FYB1: variants seen among roughly 807,000 people sequenced by gnomAD.
FYB1 encodes FYN-binding protein 1.
FYB1 carries 41 observed loss-of-function variants against 94.1 expected under a neutral mutation model. That is an observed-to-expected ratio of 0.44 (90% CI 0.34 to 0.57). The LOEUF is 0.57. FYB1 is among the 20% of genes least tolerant of loss of function. FYB1 has a pLI of 0.02. For synonymous variants in FYB1, 367 were observed against 353.2 expected (o/e 1.04, Z -0.44); for missense variants, 1,050 against 976.8 (o/e 1.07, Z -1.00).
At position 39,202,450 on chromosome 5, in the gene FYB1, G is replaced by C; in HGVS notation, c.511C>G (p.Pro171Ala). The change falls in exon 2 of 19, where the codon CCC (proline) becomes GCC (alanine). Residue 171 changes from proline (P) to alanine (A), a missense_variant. Transcript: ENST00000512982. The stretch of plus-strand genomic sequence containing the variant: ...TTCCCTTTAACCCCAGTCAATTTGG[G>C]AAACGCTTGCTTCTGTTCATTTTCT... ...TSENEQKQAF[P>A]KLTGVKGKFM... The C allele has an allele frequency of 1.2e-6, 2 of 1,613,952 alleles. No individual in the cohort carries two copies. The highest frequency in any genetic ancestry group is 1.7e-6 in the Non-Finnish European group (2 of 1,179,882).
chr5:39,169,638 A>C, intron 2 of FYB1: 1 of 444,832 alleles, frequency 2.2e-6, no homozygotes, highest in South Asian at 1.8e-5. Flanking sequence ...TGAGGTCAGG[A>C]GTTCGAGACC....
In FYB1 at chr5:39,213,313, A is replaced by C. The variant is rs696747; in HGVS notation, c.-28+6130T>G. On this transcript the variant is annotated intron_variant, in intron 1 of 18. Transcript: ENST00000512982. ...TCACCCTATATGCCATAGGAACCAG[A>C]GTTTTCATTGTCTTTGTCATATAGT... 9.1e-4 allele frequency among the ~76,000 whole-genome samples: 138 copies of C among 152,084 alleles called. No individual in the cohort carries two copies. In the Middle Eastern group the frequency reaches 0.014, roughly 15 times the overall value.
At chr5:39,169,364 A>G (rs1455922684) in intron 2 of FYB1, 1 of 724,516 alleles carries the variant, frequency 1.4e-6, no homozygotes, top group East Asian at 2.7e-5. Context: ...TAAACCGGTC[A>G]ATTGAACTAG....
chr5:39,173,976 G>A (rs1484026819), intron 2 of FYB1, among the ~76,000 whole-genome samples: 1 of 152,012 alleles, frequency 6.6e-6, no homozygotes, highest in African/African-American at 2.4e-5. Flanking sequence ...CTAATTCTGT[G>A]AAAAATGACA....
intron 2 of FYB1, among the ~76,000 whole-genome samples, chr5:39,160,069 G>A (rs1744111776): frequency 1.3e-5 from 2 of 152,142 alleles, no homozygotes; most frequent in Admixed American, 6.5e-5. Context: ...ATGGCCTCAT[G>A]GAGAAGTAAA....
chr5:39,202,546 G>T lies in FYB1; in HGVS notation c.415C>A (p.Leu139Ile). The T allele has an allele frequency of 6.2e-7, 1 of 1,614,010 alleles. No homozygotes were observed. The highest frequency in any genetic ancestry group is 8.5e-7 in the Non-Finnish European group (1 of 1,179,892). ...TCATGGTCTTGGTTTACACTGTGAA[G>T]AGATGGCTTGTTTCCAGGAGGCCAG... ...FPWPPGNKPS[L>I]HSVNQDHDLK... is the part of the protein sequence containing the mutation. Residue 139 changes from leucine to isoleucine, a missense_variant, in exon 2 of 19, where the codon CTT becomes ATT. Leu to Ile is a conservative substitution (Grantham distance 5). Transcript: ENST00000512982.
At chr5:39,204,871 A>G (rs1261333391) in intron 1 of FYB1, among the ~76,000 whole-genome samples, 1 of 152,164 alleles carries the variant, frequency 6.6e-6, no homozygotes, top group South Asian at 2.1e-4. Flanking sequence ...TACCTCCCTT[A>G]TCTGAGTTGT....
rs186838051 is a variant in FYB1, at chr5:39,179,979, C to A, written c.1135+21847G>T. 2.6e-5 allele frequency among the ~76,000 whole-genome samples: 4 copies of A among 152,206 alleles called. No homozygotes were observed. In the East Asian group the frequency reaches 7.7e-4, roughly 29 times the overall value. On this transcript the variant is annotated intron_variant, in intron 2 of 18. Transcript: ENST00000512982. ...CAGGAATACTTAAGCCTTCAAGCAC[C>A]CAGTACCCCATATTCTCCTTACCTT...
intron 1 of FYB1, among the ~76,000 whole-genome samples, chr5:39,258,937 T>C (rs78654821): frequency 8.4e-4 from 127 of 152,070 alleles, no homozygotes; most frequent in South Asian, 3.9e-3. Flanking sequence ...TAGTGTAGGG[T>C]CACTCTGTGA....
chr5:39,248,655 G>C (rs528187085), intron 1 of FYB1, among the ~76,000 whole-genome samples: 2 of 152,276 alleles, frequency 1.3e-5, no homozygotes, highest in South Asian at 4.1e-4. Flanking sequence ...TGGCCAACAT[G>C]GCGAAACCCC....
chr5:39,232,855 A>T (rs1750807253), intron 1 of FYB1, among the ~76,000 whole-genome samples: 1 of 151,968 alleles, frequency 6.6e-6, no homozygotes, highest in Non-Finnish European at 1.5e-5. Flanking sequence ...ACTGAGAATG[A>T]TGATTTCCAA....
chr5:39,202,216 C>A lies in FYB1; in HGVS notation c.745G>T (p.Asp249Tyr). The A allele has an allele frequency of 6.2e-7, 1 of 1,613,976 alleles. No homozygotes were observed. The highest frequency in any genetic ancestry group is 1.1e-5 in the South Asian group (1 of 91,074). The change falls in exon 2 of 19, where the codon GAC (aspartate) becomes TAC (tyrosine). Residue 249 changes from aspartate (D) to tyrosine (Y), a missense_variant. Asp to Tyr is a radical substitution (Grantham distance 160). Coordinates refer to ENST00000512982, the MANE Select transcript of FYB1 (RefSeq NM_001465.6). ...KPAREDSENK[D>Y]HAGEISSLPF... ...AAACTTGAAATCTCCCCTGCATGGT[C>A]TTTATTTTCTGAGTCTTCCCTTGCT...
At chr5:39,155,967 G>T (rs1350301549) in intron 2 of FYB1, among the ~76,000 whole-genome samples, 2 of 152,122 alleles carry the variant, frequency 1.3e-5, no homozygotes, top group South Asian at 2.1e-4. Context: ...ATTCATAAAT[G>T]ATTTAAAAGC....
At chr5:39,164,283 C>A (rs1744519155) in intron 2 of FYB1, among the ~76,000 whole-genome samples, 1 of 152,106 alleles carries the variant, frequency 6.6e-6, no homozygotes, top group Non-Finnish European at 1.5e-5. Context: ...GGCTCCAGCC[C>A]ACTGTAAATA....
At chr5:39,270,606 ATG>A (rs1262938239) in intron 1 of FYB1, 1 of 1,533,850 alleles carries the variant, frequency 6.5e-7, no homozygotes, top group Admixed American at 2.0e-5. Context: ...CTGGCACACA[ATG>A]ACCCCGAAGA....
At chr5:39,193,147 A>G (rs1303464228) in intron 2 of FYB1, among the ~76,000 whole-genome samples, 2 of 152,172 alleles carry the variant, frequency 1.3e-5, no homozygotes, top group Admixed American at 6.5e-5. Flanking sequence ...GGGTTAGAGG[A>G]CACCTGAGTG....
chr5:39,146,503 T>C (rs1401444079), intron 3 of FYB1, among the ~76,000 whole-genome samples: 1 of 152,240 alleles, frequency 6.6e-6, no homozygotes, highest in Non-Finnish European at 1.5e-5. Context: ...GGCTTTTGAT[T>C]TTTTTGATGA....
intron 2 of FYB1, among the ~76,000 whole-genome samples, chr5:39,165,120 C>G (rs1744601091): frequency 6.6e-6 from 1 of 152,162 alleles, no homozygotes; most frequent in Non-Finnish European, 1.5e-5. Flanking sequence ...CTATTGTTGC[C>G]ATTGCTTACA....
intron 1 of FYB1, among the ~76,000 whole-genome samples, chr5:39,251,774 G>A (rs1164580271): frequency 6.6e-6 from 1 of 151,982 alleles, no homozygotes; most frequent in Non-Finnish European, 1.5e-5. Context: ...AGCAATGAGG[G>A]AAGGAATGAG....
Sources: gnomAD v4.1 joint callset for allele counts (sites outside exome capture counted in the v4.1 genomes callset) on GRCh38, gnomAD v4.1.1 for gene constraint, MANE v1.5 for transcripts, NCBI Gene and HGNC (gene_info 2026-07-23, HGNC 2026-07-21) for gene names.